Variants in PHF3 observed in about 807,000 individuals in gnomAD.
PHF3 encodes PHD finger protein 3.
In PHF3, 41 loss-of-function variants were observed where a neutral mutation model predicts 178.4. That is an observed-to-expected ratio of 0.23 (90% CI 0.18 to 0.30). The LOEUF (loss-of-function observed/expected upper bound fraction) is 0.30, where lower values mean the gene tolerates loss of function less well. Among genes scored for constraint, PHF3 ranks in the 10% least tolerant of loss-of-function variants. The pLI, the probability that PHF3 is intolerant of heterozygous loss-of-function variation, is 1.00. For synonymous variants in PHF3, 842 were observed against 800.5 expected (o/e 1.05, Z -0.88); for missense variants, 2,346 against 2,398.1 (o/e 0.98, Z 0.45).
chr6:63,647,340 A>G (rs1764834939), intron 2 of PHF3, among the ~76,000 whole-genome samples: 1 of 152,208 alleles, frequency 6.6e-6, no homozygotes, highest in Admixed American at 6.5e-5. Context: ...TGCCCTGGAC[A>G]GTAAACACTA....
chr6:63,699,841 GC>G (rs1172261549), intron 8 of PHF3, among the ~76,000 whole-genome samples: 1 of 152,114 alleles, frequency 6.6e-6, no homozygotes, highest in Non-Finnish European at 1.5e-5. Flanking sequence ...CTCCTGACTT[GC>G]CCTCCCAAAG....
chr6:63,720,423 ACAAT>A lies in PHF3; in HGVS notation c.*6718_*6721del, dbSNP rs957614897. ...TACAGATAAATTAGATGTAGGAAAA[ACAAT>A]CAGAACCTTCAGTGACATTTTACAA... On this transcript the variant is annotated 3_prime_UTR_variant, in exon 16 of 16. Coordinates refer to ENST00000262043, the MANE Select transcript of PHF3 (RefSeq NM_001370348.2). 28 of 541,526 alleles carry A rather than the reference ACAAT, an allele frequency of 5.2e-5. No individual in the cohort carries two copies. The highest frequency in any genetic ancestry group is 7.5e-5 in the Non-Finnish European group (24 of 319,196). The allele number at this position is 541,526 out of a possible 1,614,324, so 33.5% of individuals were successfully genotyped here.
At chr6:63,676,676 C>G (rs1003123441) in intron 2 of PHF3, among the ~76,000 whole-genome samples, 2 of 152,052 alleles carry the variant, frequency 1.3e-5, no homozygotes, top group Non-Finnish European at 2.9e-5. Context: ...TGGGCCCTGG[C>G]TAGGATTTTG....
At chr6:63,702,295 G>A (rs13208965) in intron 9 of PHF3, 78,470 of 267,060 alleles carry the variant, frequency 0.29, 12,147 homozygotes, top group Admixed American at 0.36. Context: ...TCATGGTTGA[G>A]GTACGGGGTC....
At chr6:63,665,490 T>G (rs1268830162) in intron 2 of PHF3, among the ~76,000 whole-genome samples, 3 of 144,996 alleles carry the variant, frequency 2.1e-5, no homozygotes, top group East Asian at 2.0e-4. Context: ...TTTTTTGTTT[T>G]TTTTTTTTTT....
rs1379937362 is a variant in PHF3 at position 63,720,911 on chromosome 6, A to G, written c.*7203A>G. 1 of 1,551,186 alleles carries G rather than the reference A, an allele frequency of 6.4e-7. No homozygotes were observed. The highest frequency in any genetic ancestry group is 2.0e-5 in the Admixed American group (1 of 50,966). The stretch of plus-strand genomic sequence containing the variant: ...CAACTACATGGTGCCATTTATTACA[A>G]CAGAATGTGCCATTGTTATAGCTCA... On this transcript the variant is annotated 3_prime_UTR_variant, in exon 16 of 16. Coordinates refer to ENST00000262043, the MANE Select transcript of PHF3 (RefSeq NM_001370348.2).
Position 63,685,258 on chromosome 6 carries a change from A to G in PHF3, c.1536A>G (p.Ala512=), listed in dbSNP as rs1250917038. The change falls in exon 4 of 16, where the codon GCA becomes GCG. Residue 512 remains alanine (A), a synonymous_variant. Coordinates refer to ENST00000262043, the MANE Select transcript of PHF3 (RefSeq NM_001370348.2). Reference sequence around the variant, plus strand: ...ATGCTCCGAAGAAAATTGTTGCAGCAAAGTATGAAGTAATACATAGCAAAA... The same window carrying G: ...ATGCTCCGAAGAAAATTGTTGCAGCGAAGTATGAAGTAATACATAGCAAAA... ...TTDAPKKIVA[A]KYEVIHSKTK... 2.5e-6 allele frequency: 4 copies of G among 1,614,010 alleles called. No homozygotes were observed. In the Admixed American group the frequency reaches 6.7e-5, roughly 27 times the overall value.
In PHF3 at chr6:63,684,315, G is replaced by A. The variant is rs1219225757; in HGVS notation, c.593G>A (p.Arg198Lys). 2.8e-5 allele frequency: 45 copies of A among 1,613,898 alleles called. No individual in the cohort carries two copies. The highest frequency in any genetic ancestry group is 3.8e-5 in the Non-Finnish European group (45 of 1,179,900). Residue 198 changes from arginine (R) to lysine (K), a missense_variant, in exon 4 of 16, where the codon AGA (arginine) becomes AAA (lysine). Coordinates refer to ENST00000262043, the MANE Select transcript of PHF3 (RefSeq NM_001370348.2). Reference sequence around the variant, plus strand: ...AAACCTGAGTACCATAAGGAGAATAGAAGGTGCAGCCGAAATAGCGGACAA... The same window carrying A: ...AAACCTGAGTACCATAAGGAGAATAAAAGGTGCAGCCGAAATAGCGGACAA... ...SLKPEYHKEN[R>K]RCSRNSGQIE...
chr6:63,703,571 A>G lies in PHF3; in HGVS notation c.3267A>G (p.Glu1089=). The stretch of plus-strand genomic sequence containing the variant: ...CCAATAAGTCATTGGAGAAGCCAGA[A>G]GGATCTGAAAAACAAAAAGAGGAGG... The part of the protein sequence containing the change: ...PAANKSLEKP[E]GSEKQKEEVD... Residue 1089 remains glutamate, a synonymous_variant, in exon 11 of 16, where the codon GAA becomes GAG. Transcript: ENST00000262043. 6.2e-7 allele frequency: 1 copy of G among 1,613,154 alleles called. No homozygotes were observed. The highest frequency in any genetic ancestry group is 8.5e-7 in the Non-Finnish European group (1 of 1,179,716).
At chr6:63,709,316 G>T in intron 14 of PHF3, 76 bp downstream of exon 14, 2 of 968,536 alleles carry the variant, frequency 2.1e-6, no homozygotes, top group Non-Finnish European at 3.3e-6. Context: ...CTTATGCAAG[G>T]GTGCAAAGTC....
rs1158416632 is a variant in PHF3, at chr6:63,680,171, T to TGA, written c.406+16_406+17dup. 6 of 1,592,066 alleles carry TGA rather than the reference T, an allele frequency of 3.8e-6. No individual in the cohort carries two copies. Among genetic ancestry groups the TGA allele is most frequent in the Middle Eastern group, 1.7e-4 (1 of 5,914 alleles). On this transcript the variant is annotated intron_variant, in intron 3 of 15. Coordinates refer to ENST00000262043, the MANE Select transcript of PHF3 (RefSeq NM_001370348.2). Reference sequence around the variant, plus strand: ...CGTTTAATGGCACAAGGTAATCCTTTGAGAGAGGTCTAGCTAGAAAATTAG... The same window carrying TGA: ...CGTTTAATGGCACAAGGTAATCCTTTGAGAGAGAGGTCTAGCTAGAAAATTAG...
intron 12 of PHF3, 59 bp from the exon 13 acceptor site, chr6:63,706,670 A>G (rs1322636405): frequency 6.6e-7 from 1 of 1,526,040 alleles, no homozygotes; most frequent in Non-Finnish European, 9.0e-7. Context: ...ACTGATGACT[A>G]GGTAGGACAT....
At chr6:63,656,216 C>A (rs927539685) in intron 2 of PHF3, among the ~76,000 whole-genome samples, 2 of 152,174 alleles carry the variant, frequency 1.3e-5, no homozygotes, top group African/African-American at 4.8e-5. Flanking sequence ...TTTATTTTTG[C>A]TTTCCATAGC....
rs200207329 is a variant in PHF3, at chr6:63,703,544, C to G, written c.3240C>G (p.Ala1080=). Residue 1080 remains alanine (A), a synonymous_variant, in exon 11 of 16, where the codon GCC becomes GCG. Coordinates refer to ENST00000262043, the MANE Select transcript of PHF3 (RefSeq NM_001370348.2). ...QEAAMEIQEP[A]ANKSLEKPEG... The stretch of plus-strand genomic sequence containing the variant: ...ACTTTGACTTACGTTAGGAACCAGC[C>G]GCCAATAAGTCATTGGAGAAGCCAG... 1.2e-6 allele frequency: 2 copies of G among 1,604,636 alleles called. No individual in the cohort carries two copies. The highest frequency in any genetic ancestry group is 2.7e-5 in the African/African-American group (2 of 74,416).
At chr6:63,707,620 G>A (rs563297730) in intron 13 of PHF3, among the ~76,000 whole-genome samples, 7 of 151,864 alleles carry the variant, frequency 4.6e-5, no homozygotes, top group Admixed American at 4.6e-4. Flanking sequence ...TATCTTGTTC[G>A]TATCTGACCT....
At chr6:63,696,264 C>A (rs1426099356) in intron 6 of PHF3, among the ~76,000 whole-genome samples, 1 of 152,126 alleles carries the variant, frequency 6.6e-6, no homozygotes, top group Non-Finnish European at 1.5e-5. Context: ...TAAATAGCTA[C>A]AGGAGAGTTT....
At chr6:63,709,913 A>G (rs1041529964) in intron 14 of PHF3, among the ~76,000 whole-genome samples, 2 of 152,018 alleles carry the variant, frequency 1.3e-5, no homozygotes, top group African/African-American at 2.4e-5. Flanking sequence ...TTCTCTCTAC[A>G]TTTTCTTTTC....
chr6:63,686,830 A>T (rs1766728487), intron 4 of PHF3, among the ~76,000 whole-genome samples: 1 of 152,214 alleles, frequency 6.6e-6, no homozygotes. Context: ...CTATCTTAGT[A>T]CATAAAAATG....
chr6:63,683,477 G>C (rs1406510422), intron 3 of PHF3, among the ~76,000 whole-genome samples: 2 of 151,992 alleles, frequency 1.3e-5, no homozygotes, highest in Non-Finnish European at 2.9e-5. Flanking sequence ...CTTTCCTTAT[G>C]ATACATTTGC....
Sources: gnomAD v4.1 joint callset for allele counts (sites outside exome capture counted in the v4.1 genomes callset) on GRCh38, gnomAD v4.1.1 for gene constraint, MANE v1.5 for transcripts, NCBI Gene and HGNC (gene_info 2026-07-23, HGNC 2026-07-21) for gene names.